The following PPP2R2D variants were observed in gnomAD, a reference collection of about 807,000 sequenced individuals.
The protein encoded by PPP2R2D is protein phosphatase 2 regulatory subunit Bdelta.
In PPP2R2D, 9 loss-of-function variants were observed where a neutral mutation model predicts 31.1. The ratio of observed to expected loss-of-function variants is 0.29; its 90% confidence interval spans 0.17 to 0.51. The LOEUF is 0.51. PPP2R2D is among the 20% of genes least tolerant of loss of function. The pLI is 0.98. For synonymous variants in PPP2R2D, 179 were observed against 172.6 expected (o/e 1.04, Z -0.29); for missense variants, 391 against 465.6 (o/e 0.84, Z 1.48).
At chr10:131,938,060 C>T (rs2036375623) in intron 3 of PPP2R2D, among the ~76,000 whole-genome samples, 1 of 151,540 alleles carries the variant, frequency 6.6e-6, no homozygotes, top group African/African-American at 2.4e-5. Context: ...GGAAGGAATG[C>T]CCTGCACGTC....
chr10:131,902,131 C>T (rs1388605095), intron 2 of PPP2R2D, among the ~76,000 whole-genome samples: 1 of 152,178 alleles, frequency 6.6e-6, no homozygotes, highest in Non-Finnish European at 1.5e-5. Context: ...ATGTAGCTTT[C>T]CTTTTTCACC....
intron 2 of PPP2R2D, among the ~76,000 whole-genome samples, chr10:131,916,505 A>G (rs2035784181): frequency 6.6e-6 from 1 of 152,178 alleles, no homozygotes; most frequent in Non-Finnish European, 1.5e-5. Context: ...CTCATTACCA[A>G]CACAACTTTG....
At chr10:131,932,099 G>A (rs2036241791) in intron 2 of PPP2R2D, among the ~76,000 whole-genome samples, 1 of 152,226 alleles carries the variant, frequency 6.6e-6, no homozygotes, top group African/African-American at 2.4e-5. Flanking sequence ...GGCCCACCAT[G>A]TTCGGCGGGA....
At chr10:131,920,879 C>A (rs535895385) in intron 2 of PPP2R2D, among the ~76,000 whole-genome samples, 1 of 152,264 alleles carries the variant, frequency 6.6e-6, no homozygotes, top group African/African-American at 2.4e-5. Context: ...TTGCAGTGGG[C>A]CAAGATTGCG....
At chr10:131,966,593 T>C in the PPP2R2D span, 3 of 152,232 alleles carry the variant, frequency 2.0e-5, no homozygotes, top group Non-Finnish European at 2.9e-5. Context: ...AGGGTCTTGC[T>C]CTTGCTCAGG....
At chr10:131,943,475 C>T (rs1027705237) in intron 5 of PPP2R2D, among the ~76,000 whole-genome samples, 1 of 152,194 alleles carries the variant, frequency 6.6e-6, no homozygotes, top group Admixed American at 6.5e-5. Context: ...TCCCCAGCAC[C>T]CTGCTGTGCA....
At position 131,922,865 on chromosome 10, in the gene PPP2R2D, A is replaced by G. The variant is rs7080310; in HGVS notation, c.101-11593A>G. The stretch of plus-strand genomic sequence containing the variant: ...TTTGTGGAAAACAAATTTATATCAG[A>G]TTTTTGTTTGTTGGTTATTTTTAAA... On this transcript the variant is annotated intron_variant, in intron 2 of 8. Transcript: ENST00000455566. 2.3e-3 allele frequency among the ~76,000 whole-genome samples: 343 copies of G among 152,276 alleles called. 4 individuals carry two copies. Among genetic ancestry groups the G allele is most frequent in the African/African-American group, 7.8e-3 (323 of 41,544 alleles).
At chr10:131,927,941 G>C (rs1023624147) in intron 2 of PPP2R2D, among the ~76,000 whole-genome samples, 2 of 152,188 alleles carry the variant, frequency 1.3e-5, no homozygotes, top group African/African-American at 4.8e-5. Context: ...AGTTCTGGGG[G>C]CTGTGTGTCT....
chr10:131,919,651 G>T (rs1283504517), intron 2 of PPP2R2D, among the ~76,000 whole-genome samples: 1 of 112,790 alleles, frequency 8.9e-6, no homozygotes, highest in Non-Finnish European at 1.8e-5. Context: ...AGGCGGGTAG[G>T]ATGACACAGT....
rs1554897881 is a variant in PPP2R2D, at chr10:131,945,506, C to T, written c.820+47C>T. The T allele has an allele frequency of 3.2e-6, 5 of 1,555,464 alleles. No homozygotes were observed. The highest frequency in any genetic ancestry group is 4.4e-6 in the Non-Finnish European group (5 of 1,145,302). ...ATGGAGTCTGGCTCTGTCACCCAGG[C>T]TGCGGTGCAGTGACACAGTCTCGGC... is the stretch of plus-strand genomic sequence containing the variant. On this transcript the variant is annotated intron_variant, in intron 7 of 8. Coordinates refer to ENST00000455566, the MANE Select transcript of PPP2R2D (RefSeq NM_018461.5). The surrounding 1 kb of genome is among the most constrained non-coding windows in gnomAD (Gnocchi z 4.8).
chr10:131,965,472 CAG>C, the PPP2R2D span, among the ~76,000 whole-genome samples: 18 of 152,278 alleles, frequency 1.2e-4, no homozygotes, highest in Non-Finnish European at 2.4e-4. Flanking sequence ...TTTTTTGAGA[CAG>C]AGTCTCGCTC....
chr10:131,934,926 A>G (rs934067909), intron 3 of PPP2R2D: 18 of 457,332 alleles, frequency 3.9e-5, no homozygotes, highest in African/African-American at 3.0e-4. Flanking sequence ...CTGCCCTGCC[A>G]TGAAGTGTGA....
At chr10:131,918,992 A>G (rs2035897552) in intron 2 of PPP2R2D, among the ~76,000 whole-genome samples, 1 of 139,080 alleles carries the variant, frequency 7.2e-6, no homozygotes, top group South Asian at 2.4e-4. Flanking sequence ...GTTTGTAGGG[A>G]CCTCAGGCGG....
At chr10:131,955,347 T>C (rs975837278) in intron 8 of PPP2R2D, among the ~76,000 whole-genome samples, 1 of 152,186 alleles carries the variant, frequency 6.6e-6, no homozygotes, top group Non-Finnish European at 1.5e-5. Flanking sequence ...ATTGACAAAT[T>C]GCAGAACATA....
chr10:131,940,439 CA>C (rs2036421901), intron 4 of PPP2R2D, 142 bp from the exon 5 acceptor site: 2 of 604,220 alleles, frequency 3.3e-6, no homozygotes, highest in Non-Finnish European at 5.9e-6. Flanking sequence ...AAAACACCTC[CA>C]ATTGGAAATA....
At chr10:131,909,782 A>C (rs1479480452) in intron 2 of PPP2R2D, among the ~76,000 whole-genome samples, 1 of 152,244 alleles carries the variant, frequency 6.6e-6, no homozygotes. Context: ...TGTGCTGGTT[A>C]TCGCTGTTGA....
intron 5 of PPP2R2D, among the ~76,000 whole-genome samples, chr10:131,941,741 G>A (rs2036445778): frequency 6.6e-6 from 1 of 152,158 alleles, no homozygotes; most frequent in Admixed American, 6.5e-5. Context: ...AGTGATGTTG[G>A]GTCTGTTCTG....
At position 131,934,568 on chromosome 10, in the gene PPP2R2D, C is replaced by T; in HGVS notation, c.198+13C>T. 1.3e-6 allele frequency: 1 copy of T among 772,978 alleles called. No homozygotes were observed. The highest frequency in any genetic ancestry group is 1.7e-5 in the African/African-American group (1 of 58,842). The allele number at this position is 772,978 out of a possible 1,614,324, so 47.9% of individuals were successfully genotyped here. A position where few individuals can be genotyped will look rare whatever the true frequency, so the allele number is the denominator to read the frequency against. On this transcript the variant is annotated intron_variant, in intron 3 of 8. Transcript: ENST00000455566. ...GCGTGAACAAGAGGTCAGTAATTTT[C>T]AGTCCACAAATCAAATGCAATTATT...
chr10:131,908,103 T>C (rs1437527131), intron 2 of PPP2R2D, among the ~76,000 whole-genome samples: 1 of 152,232 alleles, frequency 6.6e-6, no homozygotes, highest in East Asian at 1.9e-4. Context: ...AATTCTCTTG[T>C]ATTTTAAAGT....
Sources: gnomAD v4.1 joint callset for allele counts (sites outside exome capture counted in the v4.1 genomes callset) on GRCh38, gnomAD v4.1.1 for gene constraint, Gnocchi (gnomAD v3.1) non-coding constraint, MANE v1.5 for transcripts, NCBI Gene and HGNC (gene_info 2026-07-23, HGNC 2026-07-21) for gene names.